Variants in PRRC2B observed in about 807,000 individuals in gnomAD.
PRRC2B encodes the protein proline rich coiled-coil 2B.
In PRRC2B, 68 loss-of-function variants were observed where a neutral mutation model predicts 242.3. That is an observed-to-expected ratio of 0.28 (90% CI 0.23 to 0.34). The LOEUF is 0.34. Among genes scored for constraint, PRRC2B ranks in the 10% least tolerant of loss-of-function variants. The probability of loss-of-function intolerance (pLI) is 1.00; values close to 1 mark genes in which losing one functional copy is unlikely to be tolerated. For synonymous variants in PRRC2B, 1,228 were observed against 1,173.6 expected (o/e 1.05, Z -0.95); for missense variants, 2,835 against 2,954.8 (o/e 0.96, Z 0.94).
chr9:131,457,538 G>GTGCA (rs1943116784), intron 10 of PRRC2B, among the ~76,000 whole-genome samples: 1 of 152,194 alleles, frequency 6.6e-6, no homozygotes, highest in Non-Finnish European at 1.5e-5. Flanking sequence ...TAGAGACTTA[G>GTGCA]TGCATGCATC....
At chr9:131,455,906 A>G (rs1294440288) in intron 10 of PRRC2B, among the ~76,000 whole-genome samples, 1 of 150,858 alleles carries the variant, frequency 6.6e-6, no homozygotes, top group Non-Finnish European at 1.5e-5. Flanking sequence ...TGAGGTCAGG[A>G]GTTTGAGACC....
chr9:131,448,543 CAAAAAA>C (rs754661321), intron 9 of PRRC2B, among the ~76,000 whole-genome samples: 792 of 39,854 alleles, frequency 0.02, 49 homozygotes, highest in Middle Eastern at 0.062. Context: ...GACACTGTCT[CAAAAAA>C]AAAAAAAAAA....
rs530219733 is a variant in PRRC2B, at chr9:131,482,295, G to C, written c.4984-76G>C. On this transcript the variant is annotated intron_variant, in intron 20 of 31. Transcript: ENST00000683519. This position sits in a 1 kb window ranked among gnomAD's most constrained non-coding sequence, Gnocchi z 5.2. The stretch of plus-strand genomic sequence containing the variant: ...AGGCAGCTGGGGTAGAAAAGTCTCT[G>C]TGCCACATGCAGTTTTACTCTCTGG... The C allele has an allele frequency of 3.2e-5, 47 of 1,456,798 alleles. No homozygotes were observed. The highest frequency in any genetic ancestry group is 4.0e-5 in the Non-Finnish European group (43 of 1,079,502). The allele number at this position is 1,456,798 out of a possible 1,614,324, so 90.2% of individuals were successfully genotyped here.
chr9:131,434,502 T>C (rs1480294382), intron 3 of PRRC2B, among the ~76,000 whole-genome samples: 2 of 152,224 alleles, frequency 1.3e-5, no homozygotes, highest in African/African-American at 4.8e-5. Flanking sequence ...AGGTGGCAAG[T>C]GGGCCCACAA....
intron 18 of PRRC2B, 23 bp downstream of exon 18, chr9:131,478,642 G>GGCC: frequency 6.2e-6 from 3 of 482,010 alleles, no homozygotes; most frequent in Non-Finnish European, 4.2e-6. Flanking sequence ...GGGTGGGGGG[G>GGCC]CATGGGGCTG....
intron 1 of PRRC2B, among the ~76,000 whole-genome samples, chr9:131,380,605 C>T (rs1017347284): frequency 9.3e-5 from 14 of 151,012 alleles, no homozygotes; most frequent in Admixed American, 6.6e-4. Context: ...AAAGGCCGGC[C>T]GCAGTGGCTC....
At chr9:131,396,828 C>A (rs1040086732) in intron 1 of PRRC2B, among the ~76,000 whole-genome samples, 154 of 152,186 alleles carry the variant, frequency 1.0e-3, no homozygotes, top group African/African-American at 3.5e-3. Flanking sequence ...AGGACTATTG[C>A]TAAGAAGCAG....
intron 30 of PRRC2B, among the ~76,000 whole-genome samples, chr9:131,493,534 G>A (rs1304336979): frequency 6.6e-6 from 1 of 152,256 alleles, no homozygotes; most frequent in African/African-American, 2.4e-5. Flanking sequence ...AGAGTCGCCT[G>A]TGTCTATGTA....
intron 1 of PRRC2B, among the ~76,000 whole-genome samples, chr9:131,427,252 CTT>C (rs1838001048): frequency 1.3e-5 from 2 of 152,288 alleles, no homozygotes; most frequent in South Asian, 4.1e-4. Flanking sequence ...CAGTCAGCGT[CTT>C]TTGTCTCACT....
chr9:131,447,613 G>T (rs554820882), intron 8 of PRRC2B, 49 bp from the exon 9 acceptor site: 1 of 1,479,054 alleles, frequency 6.8e-7, no homozygotes, highest in Non-Finnish European at 9.0e-7. Flanking sequence ...ATTTGATTTT[G>T]CTTCCGTCTG....
rs886473773 is a variant in PRRC2B at position 131,494,868 on chromosome 9, G to T, written c.6555+382G>T. Reference sequence around the variant, plus strand: ...CTAGTCAGTGGTGTGTCTCATCTTTGTCTTGGCTGGGTGGGAGCACAGGTG... The same window carrying T: ...CTAGTCAGTGGTGTGTCTCATCTTTTTCTTGGCTGGGTGGGAGCACAGGTG... On this transcript the variant is annotated intron_variant, in intron 31 of 31. Transcript: ENST00000683519. This position sits in a 1 kb window ranked among gnomAD's most constrained non-coding sequence, Gnocchi z 4.3. Among the ~76,000 whole-genome samples, 4 of 152,326 alleles carry T rather than the reference G, an allele frequency of 2.6e-5. No individual in the cohort carries two copies. The highest frequency in any genetic ancestry group is 2.4e-5 in the African/African-American group (1 of 41,580).
chr9:131,492,170 C>T lies in PRRC2B; in HGVS notation c.6383C>T (p.Pro2128Leu), dbSNP rs1311118116. 1.2e-6 allele frequency: 2 copies of T among 1,613,038 alleles called. No individual in the cohort carries two copies. The highest frequency in any genetic ancestry group is 1.7e-6 in the Non-Finnish European group (2 of 1,179,268). Residue 2128 changes from proline to leucine, a missense_variant and splice_region_variant, in exon 30 of 32, where the codon CCC (proline) becomes CTC (leucine). Around this residue, in one of 7 missense-constraint regions of PRRC2B, gnomAD observed 574 missense variants for 626.0 expected, o/e 0.92. Coordinates refer to ENST00000683519, the MANE Select transcript of PRRC2B (RefSeq NM_013318.4). ...QPPVLNTSREPSQMEMKGFHF... is the reference protein window; with the variant it reads ...QPPVLNTSRELSQMEMKGFHF... ...CTTGTTCCTGCTTGGTCTCTCTAGC[C>T]CTCTCAGATGGAGATGAAAGGCTTC...
At chr9:131,422,925 A>G (rs947119991) in intron 1 of PRRC2B, among the ~76,000 whole-genome samples, 1 of 152,186 alleles carries the variant, frequency 6.6e-6, no homozygotes, top group Non-Finnish European at 1.5e-5. Flanking sequence ...CCTAATGGCA[A>G]TATTTTCTTT....
chr9:131,471,387 C>T (rs907438683), intron 14 of PRRC2B, among the ~76,000 whole-genome samples: 7 of 152,020 alleles, frequency 4.6e-5, no homozygotes, highest in African/African-American at 9.7e-5. Flanking sequence ...TTTAATAATG[C>T]CTGCTTTTTC....
intron 1 of PRRC2B, among the ~76,000 whole-genome samples, chr9:131,379,624 ATTT>A (rs34113422): frequency 2.3e-5 from 3 of 127,990 alleles, no homozygotes; most frequent in Admixed American, 8.4e-5. Flanking sequence ...TCCTTGGTCC[ATTT>A]TTTTTTTTTT....
At chr9:131,445,682 T>A (rs1034173320) in intron 6 of PRRC2B, among the ~76,000 whole-genome samples, 2 of 152,220 alleles carry the variant, frequency 1.3e-5, no homozygotes, top group Non-Finnish European at 2.9e-5. Context: ...GTCCTGGGTC[T>A]CTTTCCCTTA....
At chr9:131,395,367 G>T (rs1439713782) in intron 1 of PRRC2B, among the ~76,000 whole-genome samples, 1 of 152,132 alleles carries the variant, frequency 6.6e-6, no homozygotes, top group African/African-American at 2.4e-5. Flanking sequence ...TCTTAGCATG[G>T]TTTTTCCGAA....
In PRRC2B at chr9:131,439,100, G is replaced by A. The variant is rs529590801; in HGVS notation, c.469+39G>A. On this transcript the variant is annotated intron_variant, in intron 5 of 31. Coordinates refer to ENST00000683519, the MANE Select transcript of PRRC2B (RefSeq NM_013318.4). ...TGTGTGTGTTGTTTGGGGACGCTGG[G>A]GAGAGGGAGGTGAATGCCTTTTCCA... is the stretch of plus-strand genomic sequence containing the variant. 1.4e-5 allele frequency: 22 copies of A among 1,572,480 alleles called. 1 individual carries two copies. In the East Asian group the frequency reaches 1.6e-4, roughly 11 times the overall value.
Position 131,386,235 on chromosome 9 carries a change from C to G in PRRC2B, c.-56+12504C>G, listed in dbSNP as rs1456460734. Among the ~76,000 whole-genome samples, 2 of 150,246 alleles carry G rather than the reference C, an allele frequency of 1.3e-5. 1 individual carries two copies. Among genetic ancestry groups the G allele is most frequent in the East Asian group, 3.9e-4 (2 of 5,098 alleles). ...TCAAGCAATCCTCCCACCTCAGCCTCCGGAATAGCTGGGACTGCAAGTGTG... is the reference window on the plus strand; with the variant it reads ...TCAAGCAATCCTCCCACCTCAGCCTGCGGAATAGCTGGGACTGCAAGTGTG... On this transcript the variant is annotated intron_variant, in intron 1 of 1. Coordinates refer to the PRRC2B transcript ENST00000682525.
Sources: gnomAD v4.1 joint callset for allele counts (sites outside exome capture counted in the v4.1 genomes callset) on GRCh38, gnomAD v4.1.1 for gene constraint, gnomAD v4.1.1 regional missense constraint, Gnocchi (gnomAD v3.1) non-coding constraint, MANE v1.5 for transcripts, NCBI Gene and HGNC (gene_info 2026-07-23, HGNC 2026-07-21) for gene names.